TMEM248: variants seen among roughly 807,000 people sequenced by gnomAD.
TMEM248 encodes transmembrane protein 248.
In TMEM248, 9 loss-of-function variants were observed where a neutral mutation model predicts 30.3. The observed-to-expected ratio is 0.30, with a 90% CI of 0.18 to 0.52. The LOEUF (loss-of-function observed/expected upper bound fraction) is 0.52. TMEM248 is among the 20% of genes least tolerant of loss of function. TMEM248 has a pLI of 0.97. For synonymous variants in TMEM248, 184 were observed against 154.4 expected (o/e 1.19, Z -1.42); for missense variants, 338 against 403.3 (o/e 0.84, Z 1.39).
rs1792257390 is a variant in TMEM248 at position 66,951,121 on chromosome 7, G to C, written c.766G>C (p.Val256Leu). The stretch of plus-strand genomic sequence containing the variant: ...TCATGCTTTAAATCCCAAGCTTACA[G>C]TGATTGTTCCAGATGTAAGTGAGAA... ...VYHALNPKLT[V>L]IVPDDDRSLI... is the part of the protein sequence containing the mutation. Residue 256 changes from valine to leucine, a missense_variant, in exon 5 of 7, where the codon GTG becomes CTG. By Grantham distance (32) the Val-to-Leu change is conservative (BLOSUM62 1). Coordinates refer to ENST00000341567, the MANE Select transcript of TMEM248 (RefSeq NM_017994.5). 1 of 1,590,030 alleles carries C rather than the reference G, an allele frequency of 6.3e-7. No individual in the cohort carries two copies. The highest frequency in any genetic ancestry group is 8.6e-7 in the Non-Finnish European group (1 of 1,168,666).
intron 1 of TMEM248, among the ~76,000 whole-genome samples, chr7:66,937,498 T>G (rs1562940001): frequency 6.6e-6 from 1 of 152,342 alleles, no homozygotes; most frequent in East Asian, 1.9e-4. Flanking sequence ...GTCTTTCCCT[T>G]TAGTTCTAAT....
At chr7:66,924,479 A>G (rs888603222) in intron 1 of TMEM248, among the ~76,000 whole-genome samples, 4 of 152,134 alleles carry the variant, frequency 2.6e-5, no homozygotes, top group Non-Finnish European at 5.9e-5. Context: ...ATCTCAGCTC[A>G]CTGCAACCTC....
chr7:66,922,947 C>G (rs1791424127), intron 1 of TMEM248, among the ~76,000 whole-genome samples: 1 of 152,030 alleles, frequency 6.6e-6, no homozygotes, highest in Admixed American at 6.6e-5. Context: ...CTCAGGTGAT[C>G]CATCCTCCTC....
chr7:66,940,636 A>G (rs937339808), intron 1 of TMEM248, among the ~76,000 whole-genome samples: 1 of 152,122 alleles, frequency 6.6e-6, no homozygotes, highest in African/African-American at 2.4e-5. Context: ...GAGGAGGGGA[A>G]GTGGATGGTG....
intron 3 of TMEM248, among the ~76,000 whole-genome samples, chr7:66,948,061 C>T (rs1187183915): frequency 1.2e-4 from 19 of 152,108 alleles, no homozygotes; most frequent in Admixed American, 1.0e-3. Context: ...CCTGGCAATA[C>T]GTTGGTTTTA....
chr7:66,921,369 G>T lies in TMEM248; in HGVS notation c.-111G>T, dbSNP rs1268360197. On this transcript the variant is annotated 5_prime_UTR_variant, in exon 1 of 7. Coordinates refer to ENST00000341567, the MANE Select transcript of TMEM248 (RefSeq NM_017994.5). ...TGCCTAGCGGCCTCGGGCCCGCCAC[G>T]CGCCGCCACGAGTGAGCCCAGCGCG... 1.3e-5 allele frequency: 2 copies of T among 150,172 alleles called. No homozygotes were observed. Among genetic ancestry groups the T allele is most frequent in the Non-Finnish European group, 3.0e-5 (2 of 67,454 alleles). The allele number at this position is 150,172 out of a possible 1,614,324, so 9.3% of individuals were successfully genotyped here.
intron 2 of TMEM248, among the ~76,000 whole-genome samples, chr7:66,943,591 G>GT (rs1562941926): frequency 1.3e-5 from 2 of 152,174 alleles, no homozygotes; most frequent in South Asian, 4.1e-4. Flanking sequence ...CTGGGCCTCA[G>GT]TTTCTTCATG....
At chr7:66,951,718 C>T (rs1338165230) in intron 5 of TMEM248, among the ~76,000 whole-genome samples, 2 of 151,882 alleles carry the variant, frequency 1.3e-5, no homozygotes, top group Non-Finnish European at 2.9e-5. Context: ...TGCTCTGTCG[C>T]CCAGATTGGG....
rs1163019880 is a variant in TMEM248, at chr7:66,957,782, G to A, written c.*2260G>A. 2 of 152,178 alleles carry A rather than the reference G, an allele frequency of 1.3e-5. No homozygotes were observed. The highest frequency in any genetic ancestry group is 2.4e-5 in the African/African-American group (1 of 41,438). The allele number at this position is 152,178 out of a possible 1,614,324, so 9.4% of individuals were successfully genotyped here. On this transcript the variant is annotated 3_prime_UTR_variant, in exon 7 of 7. Transcript: ENST00000341567. ...GAGTGGCTGGAATCTGTAGCTAGGG[G>A]AGGGGCAACACTGTTAGATGTGAGG...
chr7:66,921,397 C>T lies in TMEM248; in HGVS notation c.-83C>T, dbSNP rs1321032745. On this transcript the variant is annotated 5_prime_UTR_variant, in exon 1 of 7. Coordinates refer to ENST00000341567, the MANE Select transcript of TMEM248 (RefSeq NM_017994.5). ...CCGCCACGAGTGAGCCCAGCGCGAC[C>T]GCGGGCGTCCGCCGAGCAGCTGGCC... The T allele has an allele frequency of 6.7e-6, 1 of 149,806 alleles. No individual in the cohort carries two copies. Among genetic ancestry groups the T allele is most frequent in the Admixed American group, 6.6e-5 (1 of 15,038 alleles). The allele number at this position is 149,806 out of a possible 1,614,324, so 9.3% of individuals were successfully genotyped here. A position where few individuals can be genotyped will look rare whatever the true frequency, so the allele number is the denominator to read the frequency against.
chr7:66,955,366 T>A (rs1447939492), intron 6 of TMEM248, 136 bp from the exon 7 acceptor site: 2 of 1,034,012 alleles, frequency 1.9e-6, no homozygotes, highest in Admixed American at 4.5e-5. Context: ...CTAGGTGAGA[T>A]TTTCTTTTTA....
chr7:66,926,590 C>T (rs999602791), intron 1 of TMEM248, among the ~76,000 whole-genome samples: 10 of 149,810 alleles, frequency 6.7e-5, no homozygotes, highest in South Asian at 4.2e-4. Flanking sequence ...GAGCCGGGTT[C>T]GCACCACTGC....
At chr7:66,951,948 C>T (rs913686796) in intron 5 of TMEM248, among the ~76,000 whole-genome samples, 2 of 152,066 alleles carry the variant, frequency 1.3e-5, no homozygotes, top group African/African-American at 2.4e-5. Context: ...AGGTATGAGC[C>T]GCTGCACCTG....
intron 1 of TMEM248, among the ~76,000 whole-genome samples, chr7:66,924,846 A>C (rs867749191): frequency 2.6e-5 from 4 of 151,778 alleles, no homozygotes; most frequent in Middle Eastern, 3.4e-3. Flanking sequence ...TGTAGCTGGG[A>C]CTACAGGCAC....
At chr7:66,926,260 G>A (rs1038123219) in intron 1 of TMEM248, among the ~76,000 whole-genome samples, 15 of 152,124 alleles carry the variant, frequency 9.9e-5, no homozygotes, top group African/African-American at 3.6e-4. Flanking sequence ...CGTCTGAAAA[G>A]GGGTTAATAT....
chr7:66,945,004 A>G lies in TMEM248; in HGVS notation c.188A>G (p.Asn63Ser). 2 of 1,614,174 alleles carry G rather than the reference A, an allele frequency of 1.2e-6. No homozygotes were observed. Among genetic ancestry groups the G allele is most frequent in the Non-Finnish European group, 1.7e-6 (2 of 1,180,028 alleles). ...EDWNTFLLRFNDLDLCVSENE... is the reference protein window; with the variant it reads ...EDWNTFLLRFSDLDLCVSENE... The stretch of plus-strand genomic sequence containing the variant: ...TGGAATACTTTTCTGCTACGGTTCA[A>G]TGATTTGGACTTGTGTGTATCAGAG... The change falls in exon 3 of 7, where the codon AAT (asparagine) becomes AGT (serine). Residue 63 changes from asparagine (N) to serine (S), a missense_variant. Transcript: ENST00000341567.
intron 1 of TMEM248, among the ~76,000 whole-genome samples, chr7:66,928,009 A>C (rs1791568653): frequency 1.3e-5 from 2 of 152,116 alleles, no homozygotes; most frequent in Admixed American, 1.3e-4. Flanking sequence ...GAGGTCAGGA[A>C]TTCAAGACCA....
intron 1 of TMEM248, among the ~76,000 whole-genome samples, chr7:66,924,198 A>G (rs1027157307): frequency 2.4e-4 from 37 of 152,228 alleles, no homozygotes; most frequent in Admixed American, 9.2e-4. Context: ...AGCTCTGGCT[A>G]CAGCCAAAGG....
intron 1 of TMEM248, among the ~76,000 whole-genome samples, chr7:66,934,420 C>T (rs1395414541): frequency 2.0e-5 from 3 of 152,108 alleles, no homozygotes; most frequent in Non-Finnish European, 4.4e-5. Context: ...AGGCAGATCT[C>T]GAACGCCTGA....
Sources: gnomAD v4.1 joint callset for allele counts (sites outside exome capture counted in the v4.1 genomes callset) on GRCh38, gnomAD v4.1.1 for gene constraint, MANE v1.5 for transcripts, NCBI Gene and HGNC (gene_info 2026-07-23, HGNC 2026-07-21) for gene names.